The following PAM variants were observed in gnomAD, a reference collection of about 807,000 sequenced individuals.
PAM encodes peptidylglycine alpha-amidating monooxygenase.
PAM carries 72 observed loss-of-function variants against 122.1 expected under a neutral mutation model. That is an observed-to-expected ratio of 0.59 (90% confidence interval 0.49 to 0.72). The LOEUF (loss-of-function observed/expected upper bound fraction) is 0.72, where lower values mean the gene tolerates loss of function less well. Ranked by LOEUF, PAM falls within the 30% of genes least tolerant of loss-of-function variation. The pLI is 0.00. For synonymous variants in PAM, 389 were observed against 404.4 expected (o/e 0.96, Z 0.46); for missense variants, 1,106 against 1,183.7 (o/e 0.93, Z 0.96).
At chr5:103,016,178 A>G (rs79347240) in intron 21 of PAM, among the ~76,000 whole-genome samples, 1 of 152,182 alleles carries the variant, frequency 6.6e-6, no homozygotes, top group Non-Finnish European at 1.5e-5. Flanking sequence ...ATGAAAAAAA[A>G]TGAGCCTCCT....
intron 17 of PAM, among the ~76,000 whole-genome samples, chr5:103,004,089 G>C (rs1327595995): frequency 6.6e-6 from 1 of 152,190 alleles, no homozygotes; most frequent in African/African-American, 2.4e-5. Flanking sequence ...TTAAGCACAG[G>C]GAAAGCTAGC....
intron 7 of PAM, among the ~76,000 whole-genome samples, chr5:102,930,467 A>C (rs1430353306): frequency 6.6e-6 from 1 of 152,142 alleles, no homozygotes; most frequent in Non-Finnish European, 1.5e-5. Flanking sequence ...TTCCAGACAA[A>C]GGTAAAAGTA....
At chr5:102,974,600 A>G (rs984203299) in intron 15 of PAM, 164 bp downstream of exon 15, 2 of 526,250 alleles carry the variant, frequency 3.8e-6, no homozygotes, top group African/African-American at 1.9e-5. Context: ...AACATCTTTG[A>G]AGATTTTTTT....
intron 1 of PAM, among the ~76,000 whole-genome samples, chr5:102,760,620 A>G (rs1179479579): frequency 1.3e-5 from 2 of 152,186 alleles, no homozygotes; most frequent in Non-Finnish European, 2.9e-5. Context: ...GATATAGAAA[A>G]TTTCCATCAT....
chr5:102,793,031 G>C (rs1454415187), intron 1 of PAM, among the ~76,000 whole-genome samples: 1 of 152,032 alleles, frequency 6.6e-6, no homozygotes, highest in African/African-American at 2.4e-5. Context: ...TGAATCTTGG[G>C]CCTCATAGGA....
intron 1 of PAM, among the ~76,000 whole-genome samples, chr5:102,840,763 C>A (rs907827664): frequency 2.9e-4 from 44 of 152,284 alleles, no homozygotes; most frequent in Non-Finnish European, 4.0e-4. Flanking sequence ...TCACATGCTC[C>A]TTTTAGCCAG....
At chr5:102,936,732 A>G (rs755292980) in intron 7 of PAM, among the ~76,000 whole-genome samples, 2 of 152,176 alleles carry the variant, frequency 1.3e-5, no homozygotes, top group African/African-American at 2.4e-5. Flanking sequence ...ACAAACATAT[A>G]AACACACCAG....
intron 5 of PAM, among the ~76,000 whole-genome samples, chr5:102,922,208 C>T (rs574535319): frequency 2.0e-5 from 3 of 151,808 alleles, no homozygotes; most frequent in South Asian, 2.1e-4. Flanking sequence ...TACTTGTACT[C>T]GAAGTCCTCA....
chr5:102,959,956 T>C lies in PAM; in HGVS notation c.987T>C (p.Cys329=). 1.2e-6 allele frequency: 2 copies of C among 1,611,584 alleles called. No homozygotes were observed. The highest frequency in any genetic ancestry group is 2.2e-5 in the South Asian group (2 of 91,052). ...EAKHAVSFMT[C]TQNVAPDMFR... is the part of the protein sequence containing the mutation. ...AGCATGCAGTTTCTTTCATGACCTG[T>C]ACCCAGAATGTAGCTCCAGATATGT... is the stretch of plus-strand genomic sequence containing the variant. The change falls in exon 13 of 26, where the codon TGT becomes TGC. Residue 329 remains cysteine (C), a synonymous_variant. Coordinates refer to ENST00000438793, the MANE Select transcript of PAM (RefSeq NM_001177306.2).
intron 4 of PAM, among the ~76,000 whole-genome samples, chr5:102,908,262 T>G (rs1023547394): frequency 2.6e-5 from 4 of 151,988 alleles, no homozygotes; most frequent in Admixed American, 6.6e-5. Context: ...TTCTCAGGTT[T>G]GTCAAAGATC....
intron 5 of PAM, among the ~76,000 whole-genome samples, chr5:102,922,824 T>C (rs371298233): frequency 3.5e-4 from 52 of 147,808 alleles, no homozygotes; most frequent in African/African-American, 1.0e-3. Context: ...AGCAGTGATA[T>C]ACAAAGTTCA....
At chr5:102,828,065 A>G (rs192121142) in intron 1 of PAM, among the ~76,000 whole-genome samples, 75 of 152,288 alleles carry the variant, frequency 4.9e-4, no homozygotes, top group Admixed American at 9.2e-4. Context: ...ATGGCCATGC[A>G]CGGTGGCTGA....
chr5:102,816,570 G>C (rs541077517), intron 1 of PAM, among the ~76,000 whole-genome samples: 1 of 152,248 alleles, frequency 6.6e-6, no homozygotes, highest in East Asian at 1.9e-4. Context: ...GGTCAAGAGA[G>C]TGGTCAGTGC....
intron 13 of PAM, 30 bp downstream of exon 13, chr5:102,960,089 A>C (rs755203267): frequency 1.6e-6 from 2 of 1,229,994 alleles, no homozygotes; most frequent in Non-Finnish European, 2.3e-6. Flanking sequence ...ATAAAGTAAT[A>C]TATGATTTTG....
chr5:102,857,012 C>T (rs1204110826), intron 1 of PAM, among the ~76,000 whole-genome samples: 1 of 152,136 alleles, frequency 6.6e-6, no homozygotes, highest in Admixed American at 6.5e-5. Flanking sequence ...ACCCTGTGTT[C>T]CACCTAGGGT....
chr5:102,975,398 G>A (rs1361376803), intron 15 of PAM, among the ~76,000 whole-genome samples: 5 of 152,176 alleles, frequency 3.3e-5, no homozygotes, highest in Admixed American at 2.6e-4. Context: ...TCACATGAGA[G>A]TTTCAAAGCA....
chr5:102,783,919 T>C (rs962742766), intron 1 of PAM, among the ~76,000 whole-genome samples: 30 of 150,062 alleles, frequency 2.0e-4, no homozygotes, highest in Admixed American at 9.3e-4. Flanking sequence ...TTTTTTGAGG[T>C]GGAGTCTCGC....
chr5:102,949,481 A>T, intron 9 of PAM, 56 bp from the exon 10 acceptor site: 7 of 883,784 alleles, frequency 7.9e-6, no homozygotes, highest in Non-Finnish European at 1.4e-5. Context: ...TTAGATAAGA[A>T]TAATGTCATT....
At chr5:102,801,729 ACAT>A (rs1239090346) in intron 1 of PAM, among the ~76,000 whole-genome samples, 1 of 149,334 alleles carries the variant, frequency 6.7e-6, no homozygotes, top group Non-Finnish European at 1.5e-5. Flanking sequence ...AAAATGCTCT[ACAT>A]TTCCCTCAAA....
Sources: allele counts gnomAD v4.1 joint callset (sites outside exome capture counted in the v4.1 genomes callset), GRCh38; gene constraint gnomAD v4.1.1; transcripts MANE v1.5; gene names NCBI Gene and HGNC (gene_info 2026-07-23, HGNC 2026-07-21).